Variants in IGF2BP3 observed in about 807,000 individuals in gnomAD.
IGF2BP3 encodes the protein insulin-like growth factor 2 mRNA-binding protein 3.
A neutral mutation model predicts 73.8 loss-of-function variants in IGF2BP3; 9 were observed. The ratio of observed to expected loss-of-function variants is 0.12; its 90% CI spans 0.07 to 0.21. IGF2BP3 has a LOEUF of 0.21. Among genes scored for constraint, IGF2BP3 ranks in the 10% least tolerant of loss-of-function variants. IGF2BP3 has a pLI of 1.00. For missense variants in IGF2BP3, 542 were observed against 714.0 expected, an observed-to-expected ratio of 0.76 and a Z score of 2.75; for synonymous variants, 258 against 256.7, an observed-to-expected ratio of 1.01 and a Z score of -0.05.
chr7:23,328,898 A>T (rs943490490), intron 10 of IGF2BP3, among the ~76,000 whole-genome samples: 2 of 151,960 alleles, frequency 1.3e-5, no homozygotes, highest in African/African-American at 4.8e-5. Context: ...TTCTATGAGT[A>T]AAAAAAATGT....
At chr7:23,462,420 AGC>A (rs1209773791) in intron 2 of IGF2BP3, among the ~76,000 whole-genome samples, 1 of 148,954 alleles carries the variant, frequency 6.7e-6, no homozygotes, top group Non-Finnish European at 1.5e-5. Flanking sequence ...GGAGTGCAGT[AGC>A]GCGATCTCAG....
At chr7:23,435,494 C>A (rs918114814) in intron 2 of IGF2BP3, among the ~76,000 whole-genome samples, 9 of 151,364 alleles carry the variant, frequency 5.9e-5, no homozygotes, top group Admixed American at 2.6e-4. Context: ...CGCTCTGTCG[C>A]CCAGGCTGGA....
At chr7:23,327,872 A>T (rs1157303600) in intron 10 of IGF2BP3, among the ~76,000 whole-genome samples, 1 of 152,166 alleles carries the variant, frequency 6.6e-6, no homozygotes, top group East Asian at 1.9e-4. Context: ...ACTAAGCACC[A>T]TAAATCCATG....
chr7:23,411,200 C>T (rs1562736092), intron 3 of IGF2BP3, among the ~76,000 whole-genome samples: 1 of 152,236 alleles, frequency 6.6e-6, no homozygotes, highest in Non-Finnish European at 1.5e-5. Context: ...AGCTCATGGA[C>T]AGTCTCAACG....
intron 10 of IGF2BP3, among the ~76,000 whole-genome samples, chr7:23,323,071 A>G (rs1237987880): frequency 1.3e-5 from 2 of 152,306 alleles, no homozygotes; most frequent in Admixed American, 6.5e-5. Flanking sequence ...ACACATAACA[A>G]TATTAACTTT....
chr7:23,333,956 G>T (rs369824679), intron 10 of IGF2BP3, among the ~76,000 whole-genome samples: 1 of 152,196 alleles, frequency 6.6e-6, no homozygotes, highest in East Asian at 1.9e-4. Context: ...CTCTGGGAAT[G>T]TAAGGCAGCT....
rs555941068 is a variant in IGF2BP3 at position 23,347,824 on chromosome 7, G to C, written c.684-90C>G. The C allele has an allele frequency of 4.0e-6, 6 of 1,482,260 alleles. No individual in the cohort carries two copies. In the South Asian group the frequency reaches 7.4e-5, roughly 18 times the overall value. The allele number at this position is 1,482,260 out of a possible 1,614,324, so 91.8% of individuals were successfully genotyped here. A position where few individuals can be genotyped will look rare whatever the true frequency, so the allele number is the denominator to read the frequency against. On this transcript the variant is annotated intron_variant, in intron 6 of 14. Coordinates refer to ENST00000258729, the MANE Select transcript of IGF2BP3 (RefSeq NM_006547.3). ...TAATTACCAAATGCAAAGTCATAGG[G>C]CTTCAGGGCAAAGCAGATGACTCAC...
intron 10 of IGF2BP3, among the ~76,000 whole-genome samples, chr7:23,329,829 T>C (rs1362602616): frequency 6.6e-6 from 1 of 152,158 alleles, no homozygotes; most frequent in African/African-American, 2.4e-5. Flanking sequence ...CTAACAACAT[T>C]CTCATTTTAG....
chr7:23,356,394 C>CA lies in IGF2BP3; in HGVS notation c.402-4809dup, dbSNP rs1177814290. Among the ~76,000 whole-genome samples the CA allele has an allele frequency of 3.9e-3, 527 of 135,790 alleles. 1 individual carries two copies. Among genetic ancestry groups the CA allele is most frequent in the African/African-American group, 9.1e-3 (334 of 36,860 alleles). The allele number at this position is 135,790 out of a possible 152,430, so 89.1% of individuals were successfully genotyped here. A position where few individuals can be genotyped will look rare whatever the true frequency, so the allele number is the denominator to read the frequency against. ...GCAACACAGTGAGACCCTGCCTCTA[C>CA]AAAAAAAAAAAAATTAGCTGGGTGT... On this transcript the variant is annotated intron_variant, in intron 5 of 14. Coordinates refer to ENST00000258729, the MANE Select transcript of IGF2BP3 (RefSeq NM_006547.3).
intron 2 of IGF2BP3, among the ~76,000 whole-genome samples, chr7:23,462,609 A>C (rs12535787): frequency 1.3e-5 from 2 of 151,902 alleles, no homozygotes; most frequent in Non-Finnish European, 1.5e-5. Context: ...TGATCCACCC[A>C]CCTCGGCCTC....
chr7:23,381,715 C>T (rs566115758), intron 3 of IGF2BP3, among the ~76,000 whole-genome samples: 5 of 152,066 alleles, frequency 3.3e-5, no homozygotes, highest in Admixed American at 6.5e-5. Flanking sequence ...ATTACAGGCA[C>T]GTACCACCAC....
chr7:23,323,959 G>A, intron 10 of IGF2BP3, among the ~76,000 whole-genome samples: 1 of 151,878 alleles, frequency 6.6e-6, no homozygotes, highest in East Asian at 1.9e-4. Flanking sequence ...ATGCCCACAA[G>A]AGAAAGCAGG....
At chr7:23,335,928 G>A (rs1377181489) in intron 10 of IGF2BP3, among the ~76,000 whole-genome samples, 52 of 152,242 alleles carry the variant, frequency 3.4e-4, no homozygotes, top group Admixed American at 3.3e-3. Flanking sequence ...GTACGAGCCA[G>A]CTGCTAGGCA....
intron 3 of IGF2BP3, among the ~76,000 whole-genome samples, chr7:23,379,583 ACAGTT>A (rs1785840890): frequency 6.6e-6 from 1 of 152,232 alleles, no homozygotes; most frequent in African/African-American, 2.4e-5. Context: ...TTAGCAGAAG[ACAGTT>A]CAGTTAATGG....
chr7:23,362,064 C>T (rs930734587), intron 3 of IGF2BP3, among the ~76,000 whole-genome samples: 9 of 152,174 alleles, frequency 5.9e-5, no homozygotes, highest in African/African-American at 2.2e-4. Context: ...TACACAAACA[C>T]ATCATCATAC....
At chr7:23,392,312 CAT>C (rs1468549068) in intron 3 of IGF2BP3, among the ~76,000 whole-genome samples, 1 of 151,578 alleles carries the variant, frequency 6.6e-6, no homozygotes, top group Non-Finnish European at 1.5e-5. Context: ...TTTCTGCGAA[CAT>C]GTCACAGTGC....
At chr7:23,371,662 G>A (rs185257669) in intron 3 of IGF2BP3, among the ~76,000 whole-genome samples, 42 of 152,302 alleles carry the variant, frequency 2.8e-4, no homozygotes, top group South Asian at 1.2e-3. Context: ...TAATAAGATT[G>A]TAAACCATGC....
intron 5 of IGF2BP3, among the ~76,000 whole-genome samples, chr7:23,352,765 T>A (rs1002760032): frequency 6.6e-6 from 1 of 152,170 alleles, no homozygotes; most frequent in Non-Finnish European, 1.5e-5. Flanking sequence ...CCCCTACCCC[T>A]TGCAGACTTC....
At chr7:23,439,550 G>A (rs536942361) in intron 2 of IGF2BP3, among the ~76,000 whole-genome samples, 57 of 101,256 alleles carry the variant, frequency 5.6e-4, no homozygotes, top group African/African-American at 2.4e-3. Flanking sequence ...ACGAGACTCC[G>A]TCTCAAAAAA....
Sources: allele counts gnomAD v4.1 joint callset (sites outside exome capture counted in the v4.1 genomes callset), GRCh38; gene constraint gnomAD v4.1.1; transcripts MANE v1.5; gene names NCBI Gene and HGNC (gene_info 2026-07-23, HGNC 2026-07-21).